Variants in WBP2 observed in about 807,000 individuals in gnomAD.
The protein encoded by WBP2 is WW domain binding protein 2.
A neutral mutation model predicts 33.0 loss-of-function variants in WBP2; 23 were observed. The observed-to-expected ratio is 0.70, with a 90% CI of 0.50 to 0.99. WBP2 has a LOEUF of 0.99. Among genes scored for constraint, WBP2 ranks in the 50% least tolerant of loss-of-function variants. The pLI, the probability that WBP2 is intolerant of heterozygous loss-of-function variation, is 0.00. For synonymous variants in WBP2, 153 were observed against 133.5 expected (o/e 1.15, Z -1.01); for missense variants, 353 against 358.0 (o/e 0.99, Z 0.11).
At chr17:75,855,537 C>T (rs73997646), upstream of WBP2, 1,168 of 570,536 alleles carry the variant, frequency 2.0e-3, 10 homozygotes, top group African/African-American at 0.02. Context: ...GCAGCCTCGG[C>T]CTGTCCCTAT....
In WBP2 at chr17:75,846,866, C is replaced by A; in HGVS notation, c.732+42G>T. ...GTCATCCCCCTGCGGCTCCCAGCATCTGCGGCTGTGGGGCTGCACCGGCAC... is the reference window on the plus strand; with the variant it reads ...GTCATCCCCCTGCGGCTCCCAGCATATGCGGCTGTGGGGCTGCACCGGCAC... On this transcript the variant is annotated intron_variant, in intron 7 of 7. Transcript: ENST00000254806. The surrounding 1 kb of genome is among the most constrained non-coding windows in gnomAD (Gnocchi z 4.8). The A allele has an allele frequency of 6.2e-7, 1 of 1,613,590 alleles. No individual in the cohort carries two copies. Among genetic ancestry groups the A allele is most frequent in the East Asian group, 2.2e-5 (1 of 44,864 alleles).
Position 75,846,257 on chromosome 17 carries a change from C to T in WBP2, c.*477G>A, listed in dbSNP as rs1005708594. 3.6e-5 allele frequency: 6 copies of T among 165,516 alleles called. No individual in the cohort carries two copies. Among genetic ancestry groups the T allele is most frequent in the South Asian group, 1.2e-4 (1 of 8,086 alleles). The allele number at this position is 165,516 out of a possible 1,614,324, so 10.3% of individuals were successfully genotyped here. A position where few individuals can be genotyped will look rare whatever the true frequency, so the allele number is the denominator to read the frequency against. ...AGCTGGACCCTGGCTGAGTGGAATG[C>T]GGGCGCGGTGGCCTTCTGAGACCAG... On this transcript the variant is annotated 3_prime_UTR_variant, in exon 8 of 8. Coordinates refer to ENST00000254806, the MANE Select transcript of WBP2 (RefSeq NM_012478.4). The surrounding 1 kb of genome is among the most constrained non-coding windows in gnomAD (Gnocchi z 4.8).
At chr17:75,853,203 C>T (rs1262901502) in intron 1 of WBP2, among the ~76,000 whole-genome samples, 3 of 149,510 alleles carry the variant, frequency 2.0e-5, no homozygotes, top group Admixed American at 6.7e-5. Flanking sequence ...TGCGCCACCA[C>T]GCCTGGCTAA....
rs767997021 is a variant in WBP2 at position 75,851,579 on chromosome 17, T to C, written c.157A>G (p.Thr53Ala). 4 of 1,613,210 alleles carry C rather than the reference T, an allele frequency of 2.5e-6. No homozygotes were observed. The South Asian group carries it at 4.4e-5, about 18-fold the overall frequency. ...GCTGTGCAACTCACCCGGTAAGGGG[T>C]AAGGTAGACAGTGCCTTTCTTGGTC... ...KGTKKGTVYL[T>A]PYRVIFLSKG... Residue 53 changes from threonine to alanine, a missense_variant, in exon 2 of 8, where the codon ACC (threonine) becomes GCC (alanine). Coordinates refer to ENST00000254806, the MANE Select transcript of WBP2 (RefSeq NM_012478.4).
Position 75,847,515 on chromosome 17 carries a change from G to A in WBP2, c.627C>T (p.Ser209=), listed in dbSNP as rs764339091. 1.0e-5 allele frequency: 16 copies of A among 1,590,150 alleles called. No homozygotes were observed. Among genetic ancestry groups the A allele is most frequent in the Middle Eastern group, 3.4e-4 (2 of 5,900 alleles). The change falls in exon 6 of 8, where the codon AGC becomes AGT. Residue 209 remains serine, a synonymous_variant. Transcript: ENST00000254806. ...PYPGPMEPPV[S]GPDVPSTPAA... The stretch of plus-strand genomic sequence containing the variant: ...CAGGAGTGGAGGGGACATCGGGGCC[G>A]CTGACCGGAGGTTCCATGGGCCCAG...
Position 75,846,540 on chromosome 17 carries a change from G to A in WBP2, c.*194C>T. ...TGGGCAGCACTGTGGGCTCCGGGCT[G>A]GCATGGGAAGCTGGGCGGCACCTCT... On this transcript the variant is annotated 3_prime_UTR_variant, in exon 8 of 8. Coordinates refer to ENST00000254806, the MANE Select transcript of WBP2 (RefSeq NM_012478.4). This position sits in a 1 kb window ranked among gnomAD's most constrained non-coding sequence, Gnocchi z 4.8. 1.4e-6 allele frequency: 1 copy of A among 703,052 alleles called. No individual in the cohort carries two copies. Among genetic ancestry groups the A allele is most frequent in the Non-Finnish European group, 2.5e-6 (1 of 408,130 alleles). The allele number at this position is 703,052 out of a possible 1,614,324, so 43.6% of individuals were successfully genotyped here.
intron 2 of WBP2, among the ~76,000 whole-genome samples, chr17:75,850,248 T>C (rs1226888377): frequency 6.7e-6 from 1 of 149,694 alleles, no homozygotes; most frequent in East Asian, 1.9e-4. Context: ...TTCTTTTCTT[T>C]TCTTTTTTTT....
chr17:75,847,508 C>T lies in WBP2; in HGVS notation c.634G>A (p.Asp212Asn), dbSNP rs375018959. Residue 212 changes from aspartate to asparagine, a missense_variant, in exon 6 of 8, where the codon GAT becomes AAT. Transcript: ENST00000254806. ...GPMEPPVSGP[D>N]VPSTPAAEAK... ...TCACCTGCAGGAGTGGAGGGGACATCGGGGCCGCTGACCGGAGGTTCCATG... is the reference window on the plus strand; with the variant it reads ...TCACCTGCAGGAGTGGAGGGGACATTGGGGCCGCTGACCGGAGGTTCCATG... 5.0e-5 allele frequency: 79 copies of T among 1,590,130 alleles called. No homozygotes were observed. Among genetic ancestry groups the T allele is most frequent in the Middle Eastern group, 3.4e-4 (2 of 5,928 alleles).
In WBP2 at chr17:75,846,517, G is replaced by C; in HGVS notation, c.*217C>G. Reference sequence around the variant, plus strand: ...CCCAGACGGTGAGGGAGGTACGCTGGGCAGCACTGTGGGCTCCGGGCTGGC... The same window carrying C: ...CCCAGACGGTGAGGGAGGTACGCTGCGCAGCACTGTGGGCTCCGGGCTGGC... On this transcript the variant is annotated 3_prime_UTR_variant, in exon 8 of 8. Transcript: ENST00000254806. The surrounding 1 kb of genome is among the most constrained non-coding windows in gnomAD (Gnocchi z 4.8). 4 of 627,520 alleles carry C rather than the reference G, an allele frequency of 6.4e-6. No individual in the cohort carries two copies. The highest frequency in any genetic ancestry group is 5.6e-5 in the South Asian group (3 of 53,630). 38.9% of individuals were successfully genotyped at this position (627,520 alleles called of 1,614,324 possible).
At chr17:75,854,043 TAAAAA>T (rs55857053) in intron 1 of WBP2, among the ~76,000 whole-genome samples, 2,044 of 55,282 alleles carry the variant, frequency 0.037, 17 homozygotes, top group African/African-American at 0.057. Context: ...AGCCTCCATC[TAAAAA>T]AAAAAAAAAA....
Position 75,849,700 on chromosome 17 carries a change from A to T in WBP2, c.208T>A (p.Phe70Ile), listed in dbSNP as rs770069374. The T allele has an allele frequency of 1.1e-5, 18 of 1,614,100 alleles. No individual in the cohort carries two copies. Among genetic ancestry groups the T allele is most frequent in the Admixed American group, 5.0e-5 (3 of 60,008 alleles). ...LSKGKDAMQS[F>I]MMPFYLMKDC... is the part of the protein sequence containing the mutation. ...TTCATGAGATAAAATGGCATCATGA[A>T]GGACTGCATGGCATCCTTGCCCTTG... Residue 70 changes from phenylalanine to isoleucine, a missense_variant, in exon 3 of 8, where the codon TTC becomes ATC. Coordinates refer to ENST00000254806, the MANE Select transcript of WBP2 (RefSeq NM_012478.4).
At position 75,848,622 on chromosome 17, in the gene WBP2, C is replaced by T. The variant is rs747545596; in HGVS notation, c.345G>A (p.Thr115=). ...GTCCGAACTCAATGGCGCCCCCTGC[C>T]GTGAAAGTCAACTTGTAGGAAGCAG... The part of the protein sequence containing the change: ...EGSASYKLTF[T]AGGAIEFGQR... The change falls in exon 4 of 8, where the codon ACG becomes ACA. Residue 115 remains threonine, a synonymous_variant. Transcript: ENST00000254806. 28 of 1,613,936 alleles carry T rather than the reference C, an allele frequency of 1.7e-5. No homozygotes were observed. Among genetic ancestry groups the T allele is most frequent in the South Asian group, 9.9e-5 (9 of 91,074 alleles).
At chr17:75,850,156 T>C (rs531107015) in intron 2 of WBP2, among the ~76,000 whole-genome samples, 2 of 152,166 alleles carry the variant, frequency 1.3e-5, no homozygotes, top group South Asian at 4.1e-4. Flanking sequence ...AGTAGGTCGC[T>C]AGCTCCCATT....
intron 3 of WBP2, chr17:75,848,965 A>C: frequency 2.4e-6 from 1 of 419,000 alleles, no homozygotes; most frequent in Non-Finnish European, 4.4e-6. Context: ...CCAAGGCCAC[A>C]TCAAGGTTTC....
intron 1 of WBP2, 46 bp downstream of exon 1, chr17:75,855,188 TCCTCG>T: frequency 9.3e-7 from 1 of 1,077,692 alleles, no homozygotes; most frequent in Non-Finnish European, 1.3e-6. Context: ...ACCGCCCACT[TCCTCG>T]ACACCCGAAC....
intron 2 of WBP2, chr17:75,851,232 G>A (rs1286755895): frequency 3.0e-5 from 7 of 234,998 alleles, no homozygotes; most frequent in Middle Eastern, 3.4e-3. Flanking sequence ...GGGCTTCATG[G>A]GCTACTCTCA....
In WBP2 at chr17:75,849,638, G is replaced by A; in HGVS notation, c.270C>T (p.Asn90=). The part of the protein sequence containing the change: ...CEIKQPVFGA[N]YIKGTVKAEA... ...CCGCCTTCACTGTTCCCTTGATGTA[G>A]TTTGCACCAAATACGGGCTGCTTGA... Residue 90 remains asparagine (N), a synonymous_variant, in exon 3 of 8, where the codon AAC becomes AAT. Transcript: ENST00000254806. 1 of 1,614,158 alleles carries A rather than the reference G, an allele frequency of 6.2e-7. No homozygotes were observed. Among genetic ancestry groups the A allele is most frequent in the Non-Finnish European group, 8.5e-7 (1 of 1,180,000 alleles).
Position 75,847,518 on chromosome 17 carries a change from G to T in WBP2, c.624C>A (p.Val208=). The change falls in exon 6 of 8, where the codon GTC becomes GTA. Residue 208 remains valine, a synonymous_variant. Transcript: ENST00000254806. ...PPYPGPMEPP[V]SGPDVPSTPA... ...GAGTGGAGGGGACATCGGGGCCGCT[G>T]ACCGGAGGTTCCATGGGCCCAGGGT... 1 of 1,592,244 alleles carries T rather than the reference G, an allele frequency of 6.3e-7. No individual in the cohort carries two copies.
At chr17:75,856,128 A>ACGGCG (rs1254728100), upstream of WBP2, 1 of 152,204 alleles carries the variant, frequency 6.6e-6, no homozygotes, top group Non-Finnish European at 1.5e-5. Context: ...GGGACTGGGC[A>ACGGCG]CGGCGCGAAA....
Sources: allele counts gnomAD v4.1 joint callset (sites outside exome capture counted in the v4.1 genomes callset), GRCh38; gene constraint gnomAD v4.1.1; non-coding constraint Gnocchi (gnomAD v3.1); transcripts MANE v1.5; gene names NCBI Gene and HGNC (gene_info 2026-07-23, HGNC 2026-07-21).